The following CCDC81 variants were observed in gnomAD, a reference collection of about 807,000 sequenced individuals.
The protein encoded by CCDC81 is coiled-coil domain-containing protein 81.
A neutral mutation model predicts 83.7 loss-of-function variants in CCDC81; 79 were observed. That is an observed-to-expected ratio of 0.94 (90% CI 0.79 to 1.14). CCDC81 has a LOEUF of 1.14. Among genes scored for constraint, CCDC81 ranks in the 50% most tolerant of loss-of-function variants. The probability of loss-of-function intolerance (pLI) is 0.00; values close to 1 mark genes in which losing one functional copy is unlikely to be tolerated. For missense variants in CCDC81, 791 were observed against 778.1 expected, an observed-to-expected ratio of 1.02 and a Z score of -0.20; for synonymous variants, 252 against 278.1, an observed-to-expected ratio of 0.91 and a Z score of 0.93.
At chr11:86,407,802 T>C in intron 8 of CCDC81, 101 bp downstream of exon 8, 1 of 877,314 alleles carries the variant, frequency 1.1e-6, no homozygotes, top group South Asian at 1.6e-5. Flanking sequence ...TATATGAGTA[T>C]GGCTCAAGTA....
At chr11:86,401,345 A>C (rs78588613) in intron 7 of CCDC81, among the ~76,000 whole-genome samples, 1 of 152,190 alleles carries the variant, frequency 6.6e-6, no homozygotes, top group Non-Finnish European at 1.5e-5. Context: ...TAAGACCTCA[A>C]ATCAGTCAAC....
intron 5 of CCDC81, among the ~76,000 whole-genome samples, chr11:86,395,714 G>T (rs1948398141): frequency 6.6e-6 from 1 of 152,158 alleles, no homozygotes; most frequent in African/African-American, 2.4e-5. Context: ...TCGGTCTCCT[G>T]GGTTCAAGCA....
chr11:86,392,194 AG>A (rs774864396), intron 3 of CCDC81, among the ~76,000 whole-genome samples: 3 of 152,200 alleles, frequency 2.0e-5, no homozygotes, highest in Non-Finnish European at 4.4e-5. Flanking sequence ...CTAAAAGATA[AG>A]GGGGATGAAA....
chr11:86,422,128 T>C (rs1009683774), intron 14 of CCDC81, among the ~76,000 whole-genome samples: 7 of 152,336 alleles, frequency 4.6e-5, no homozygotes, highest in Admixed American at 2.6e-4. Context: ...GGATAGTTCA[T>C]TGTAAGTCCT....
intron 1 of CCDC81, among the ~76,000 whole-genome samples, chr11:86,380,410 GA>G (rs924810219): frequency 6.6e-6 from 1 of 152,068 alleles, no homozygotes; most frequent in African/African-American, 2.4e-5. Flanking sequence ...TCTGTACTTT[GA>G]AAATGATATT....
At chr11:86,407,147 TATC>T (rs1476529358) in intron 7 of CCDC81, among the ~76,000 whole-genome samples, 1 of 152,244 alleles carries the variant, frequency 6.6e-6, no homozygotes, top group Non-Finnish European at 1.5e-5. Flanking sequence ...GCAAGGCATT[TATC>T]ATCATGGAAC....
At chr11:86,393,203 C>T (rs1282117560) in intron 4 of CCDC81, among the ~76,000 whole-genome samples, 1 of 152,124 alleles carries the variant, frequency 6.6e-6, no homozygotes, top group African/African-American at 2.4e-5. Flanking sequence ...CCTGGAATTA[C>T]AGGTGCGCGC....
chr11:86,386,961 G>A (rs1948250221), intron 2 of CCDC81, among the ~76,000 whole-genome samples: 1 of 152,086 alleles, frequency 6.6e-6, no homozygotes, highest in African/African-American at 2.4e-5. Context: ...GCTCCTGTAG[G>A]CATTTGAGTT....
chr11:86,379,215 G>A (rs1479503429), intron 1 of CCDC81, among the ~76,000 whole-genome samples: 1 of 151,770 alleles, frequency 6.6e-6, no homozygotes, highest in African/African-American at 2.4e-5. Flanking sequence ...TCCTGCCTCA[G>A]CCTCCCCAGT....
chr11:86,392,919 C>T, intron 4 of CCDC81, 122 bp downstream of exon 4: 1 of 1,049,374 alleles, frequency 9.5e-7, no homozygotes, highest in Non-Finnish European at 1.3e-6. Flanking sequence ...ACCTGAAGTA[C>T]ATGGAAGTGC....
chr11:86,408,131 T>C lies in CCDC81; in HGVS notation c.974T>C (p.Met325Thr). The change falls in exon 9 of 15, where the codon ATG becomes ACG. Residue 325 changes from methionine to threonine, a missense_variant. Coordinates refer to ENST00000445632, the MANE Select transcript of CCDC81 (RefSeq NM_001156474.2). ...TCCTGAAATTTGGGATTGTAGGAAA[T>C]GTGCTATGTATGTTTGCAACGAGCA... ...CQDHNKAGQE[M>T]CYVCLQRAQR... 1 of 1,607,238 alleles carries C rather than the reference T, an allele frequency of 6.2e-7. No homozygotes were observed. The highest frequency in any genetic ancestry group is 8.5e-7 in the Non-Finnish European group (1 of 1,178,368).
At chr11:86,395,092 A>G in intron 4 of CCDC81, 1 of 335,770 alleles carries the variant, frequency 3.0e-6, no homozygotes, top group Non-Finnish European at 5.4e-6. Context: ...GCAATTCCCT[A>G]AAAGGAAATG....
At chr11:86,414,439 T>G (rs1948687312) in intron 11 of CCDC81, 1 of 172,636 alleles carries the variant, frequency 5.8e-6, no homozygotes, top group South Asian at 1.5e-4. Context: ...CCTGAGTAGC[T>G]GGGATTACAG....
chr11:86,409,261 A>T lies in CCDC81; in HGVS notation c.1114A>T (p.Met372Leu), dbSNP rs768259470. The T allele has an allele frequency of 8.7e-6, 12 of 1,372,380 alleles. No homozygotes were observed. In the South Asian group the frequency reaches 1.7e-4, roughly 19 times the overall value. 85.0% of individuals were successfully genotyped at this position (1,372,380 alleles called of 1,614,324 possible). Reference sequence around the variant, plus strand: ...AACTTTTTTTTTTTTTAAACAATAGATGAAAAGTCTGGCTACTAGAGAACA... The same window carrying T: ...AACTTTTTTTTTTTTTAAACAATAGTTGAAAAGTCTGGCTACTAGAGAACA... ...KDQEALFRHQ[M>L]KSLATREQNQ... is the part of the protein sequence containing the mutation. Residue 372 changes from methionine to leucine, a missense_variant and splice_region_variant, in exon 10 of 15, where the codon ATG becomes TTG. Transcript: ENST00000445632.
intron 7 of CCDC81, among the ~76,000 whole-genome samples, chr11:86,401,901 C>G (rs1948494218): frequency 6.6e-6 from 1 of 151,968 alleles, no homozygotes; most frequent in South Asian, 2.1e-4. Context: ...CTTTGGGAGG[C>G]CGAGGCAGGC....
intron 7 of CCDC81, among the ~76,000 whole-genome samples, chr11:86,402,711 C>T (rs942643390): frequency 6.6e-6 from 1 of 152,156 alleles, no homozygotes; most frequent in South Asian, 2.1e-4. Flanking sequence ...AGCAAATTAT[C>T]CTCTCAGCAA....
At chr11:86,414,757 G>C (rs1948691497) in intron 11 of CCDC81, 32 bp from the exon 12 acceptor site, 1 of 1,476,618 alleles carries the variant, frequency 6.8e-7, no homozygotes, top group Non-Finnish European at 9.3e-7. Context: ...CTGCAAAACT[G>C]TGGTCCATCT....
At chr11:86,384,619 T>A (rs1311366298) in intron 1 of CCDC81, among the ~76,000 whole-genome samples, 1 of 152,180 alleles carries the variant, frequency 6.6e-6, no homozygotes, top group Admixed American at 6.5e-5. Flanking sequence ...TTTAAATTGT[T>A]AGAAAAAAGA....
chr11:86,404,196 C>T (rs972296419), intron 7 of CCDC81, among the ~76,000 whole-genome samples: 2 of 152,060 alleles, frequency 1.3e-5, no homozygotes, highest in Admixed American at 6.6e-5. Context: ...AATCAGCATT[C>T]GCCCCACCCC....
Sources: allele counts gnomAD v4.1 joint callset (sites outside exome capture counted in the v4.1 genomes callset), GRCh38; gene constraint gnomAD v4.1.1; transcripts MANE v1.5; gene names NCBI Gene and HGNC (gene_info 2026-07-23, HGNC 2026-07-21).